The following TAOK1 variants were observed in gnomAD, a reference collection of about 807,000 sequenced individuals.
The protein encoded by TAOK1 is serine/threonine-protein kinase TAO1.
In TAOK1, 21 loss-of-function variants were observed where a neutral mutation model predicts 138.3. The observed-to-expected ratio is 0.15, with a 90% CI of 0.11 to 0.22. The LOEUF is 0.22. TAOK1 is among the 10% of genes least tolerant of loss of function. TAOK1 has a pLI of 1.00. For missense variants in TAOK1, 651 were observed against 1,227.7 expected, an observed-to-expected ratio of 0.53 and a Z score of 7.02; for synonymous variants, 361 against 398.4, an observed-to-expected ratio of 0.91 and a Z score of 1.12.
chr17:29,489,593 A>T, intron 8 of TAOK1, 71 bp from the exon 9 acceptor site: 6 of 937,892 alleles, frequency 6.4e-6, no homozygotes, highest in South Asian at 1.9e-5. Context: ...AAAAAAAAAA[A>T]GGAAAAACGT....
At chr17:29,473,525 GGA>G (rs552753472) in intron 3 of TAOK1, among the ~76,000 whole-genome samples, 82 of 151,388 alleles carry the variant, frequency 5.4e-4, no homozygotes, top group African/African-American at 1.9e-3. Flanking sequence ...CTTGAACCCA[GGA>G]GGCAGAAGTT....
chr17:29,487,170 T>C (rs1052110613), intron 8 of TAOK1, among the ~76,000 whole-genome samples: 3 of 141,898 alleles, frequency 2.1e-5, no homozygotes, highest in South Asian at 2.2e-4. Context: ...TGCTTGAACC[T>C]GGGAGGCACA....
chr17:29,435,653 G>T (rs1013277381), intron 1 of TAOK1, among the ~76,000 whole-genome samples: 3 of 152,114 alleles, frequency 2.0e-5, no homozygotes, highest in African/African-American at 7.2e-5. Context: ...AGGGTATTAG[G>T]TCACTTTCTC....
chr17:29,400,945 C>T lies in TAOK1; in HGVS notation c.-95+9921C>T, dbSNP rs370088770. Among the ~76,000 whole-genome samples, 18 of 122,088 alleles carry T rather than the reference C, an allele frequency of 1.5e-4. 2 individuals are homozygous for T. The East Asian group carries it at 2.2e-3, about 15-fold the overall frequency. 80.1% of individuals were successfully genotyped at this position (122,088 alleles called of 152,430 possible). ...TTTTTTTTGATGCCAGGGTCTTGCT[C>T]TGTTGCCCAGGCTGGAACGCAGTGG... On this transcript the variant is annotated intron_variant, in intron 1 of 19. Coordinates refer to ENST00000261716, the MANE Select transcript of TAOK1 (RefSeq NM_020791.4).
intron 15 of TAOK1, chr17:29,511,206 A>C (rs1167959749): frequency 6.7e-6 from 2 of 296,632 alleles, no homozygotes; most frequent in Non-Finnish European, 1.3e-5. Context: ...TCCTGAAAAT[A>C]TACTTTTTTT....
Position 29,522,483 on chromosome 17 carries a change from T to C in TAOK1, c.2112T>C (p.His704=), listed in dbSNP as rs1192112037. The change falls in exon 17 of 20, where the codon CAT becomes CAC. Residue 704 remains histidine (H), a synonymous_variant. Coordinates refer to ENST00000261716, the MANE Select transcript of TAOK1 (RefSeq NM_020791.4). Reference sequence around the variant, plus strand: ...GAGAACGAGAACTAAGACGAAAGCATGTCATGGAAGTTCGACAACAGCCTA... The same window carrying C: ...GAGAACGAGAACTAAGACGAAAGCACGTCATGGAAGTTCGACAACAGCCTA... ...KRRERELRRK[H]VMEVRQQPKS... 6.2e-7 allele frequency: 1 copy of C among 1,614,042 alleles called. No individual in the cohort carries two copies. The highest frequency in any genetic ancestry group is 1.3e-5 in the African/African-American group (1 of 74,904).
intron 1 of TAOK1, among the ~76,000 whole-genome samples, chr17:29,447,586 A>G (rs922777467): frequency 5.9e-5 from 9 of 152,080 alleles, no homozygotes; most frequent in African/African-American, 1.2e-4. Context: ...TGATCTGCCA[A>G]CCGTGGCCTC....
At chr17:29,542,457 A>G (rs2032333473) in intron 19 of TAOK1, 104 bp from the exon 20 acceptor site, 1 of 942,184 alleles carries the variant, frequency 1.1e-6, no homozygotes, top group South Asian at 2.5e-5. Context: ...GGACAAATAT[A>G]CATCCATAAA....
At chr17:29,406,131 C>T (rs555252619) in intron 1 of TAOK1, among the ~76,000 whole-genome samples, 91 of 152,038 alleles carry the variant, frequency 6.0e-4, no homozygotes, top group Non-Finnish European at 1.1e-3. Flanking sequence ...TTGGGGGGAT[C>T]TGTGCTATGC....
chr17:29,536,292 CTG>C (rs1450825207), intron 19 of TAOK1, among the ~76,000 whole-genome samples: 1 of 150,502 alleles, frequency 6.6e-6, no homozygotes. Flanking sequence ...GAGCGAGACT[CTG>C]TCTCAAAAAA....
rs140173601 is a variant in TAOK1 at position 29,532,617 on chromosome 17, C to T, written c.2362-1501C>T. Among the ~76,000 whole-genome samples the T allele has an allele frequency of 8.5e-3, 1,299 of 152,224 alleles. 22 individuals are homozygous for T. The highest frequency in any genetic ancestry group is 0.03 in the African/African-American group (1,230 of 41,524). ...CTTGCACCGCCCTTAATCCATTTAACCCTGAGTGGACACAACACATGTTTC... is the reference window on the plus strand; with the variant it reads ...CTTGCACCGCCCTTAATCCATTTAATCCTGAGTGGACACAACACATGTTTC... On this transcript the variant is annotated intron_variant, in intron 18 of 19. Coordinates refer to ENST00000261716, the MANE Select transcript of TAOK1 (RefSeq NM_020791.4).
chr17:29,524,153 A>G (rs2031966611), intron 17 of TAOK1, among the ~76,000 whole-genome samples: 1 of 152,356 alleles, frequency 6.6e-6, no homozygotes, highest in South Asian at 2.1e-4. Flanking sequence ...GACTACTAAC[A>G]TAATCTTCCT....
chr17:29,492,684 C>T (rs1267293455), intron 10 of TAOK1, among the ~76,000 whole-genome samples: 5 of 151,788 alleles, frequency 3.3e-5, no homozygotes, highest in African/African-American at 7.3e-5. Flanking sequence ...CCCAGCTACT[C>T]GGGAGGCTGA....
intron 18 of TAOK1, among the ~76,000 whole-genome samples, chr17:29,533,398 G>A (rs1229396169): frequency 5.4e-5 from 8 of 147,424 alleles, no homozygotes; most frequent in Non-Finnish European, 9.0e-5. Context: ...CCCAGACGAT[G>A]GGCAGCCGGG....
intron 11 of TAOK1, among the ~76,000 whole-genome samples, chr17:29,497,022 C>T (rs908398322): frequency 6.6e-6 from 1 of 152,076 alleles, no homozygotes; most frequent in Non-Finnish European, 1.5e-5. Flanking sequence ...TGTGTTGCCT[C>T]TTAGGGAGAA....
Position 29,390,949 on chromosome 17 carries a change from C to T in TAOK1, c.-170C>T, listed in dbSNP as rs868360840. 6.6e-6 allele frequency: 1 copy of T among 152,328 alleles called. No homozygotes were observed. The highest frequency in any genetic ancestry group is 2.4e-5 in the African/African-American group (1 of 41,426). The allele number at this position is 152,328 out of a possible 1,614,324, so 9.4% of individuals were successfully genotyped here. On this transcript the variant is annotated 5_prime_UTR_variant, in exon 1 of 20. Coordinates refer to ENST00000261716, the MANE Select transcript of TAOK1 (RefSeq NM_020791.4). ...CCCCCTCCTCCTCCTCACTCCTCAC[C>T]CTCCAGGGTAGCGGCTACCGGAGCG...
chr17:29,500,497 CT>C (rs1348262453), intron 12 of TAOK1, among the ~76,000 whole-genome samples: 1 of 152,084 alleles, frequency 6.6e-6, no homozygotes, highest in African/African-American at 2.4e-5. Flanking sequence ...AATCCCAGCA[CT>C]TTGGGAGGCC....
At chr17:29,456,913 T>G (rs1567723438) in intron 2 of TAOK1, among the ~76,000 whole-genome samples, 1 of 147,972 alleles carries the variant, frequency 6.8e-6, no homozygotes, top group Non-Finnish European at 1.5e-5. Flanking sequence ...TTCTGTATTT[T>G]TAATAGAGAC....
chr17:29,484,071 CATT>C (rs2031119186), intron 8 of TAOK1, among the ~76,000 whole-genome samples: 1 of 152,142 alleles, frequency 6.6e-6, no homozygotes, highest in South Asian at 2.1e-4. Context: ...TTTGTTGGCT[CATT>C]GTTGTGCTTA....
Sources: allele counts gnomAD v4.1 joint callset (sites outside exome capture counted in the v4.1 genomes callset), GRCh38; gene constraint gnomAD v4.1.1; transcripts MANE v1.5; gene names NCBI Gene and HGNC (gene_info 2026-07-23, HGNC 2026-07-21).